DMD: variants seen among roughly 807,000 people sequenced by gnomAD.
DMD encodes mutant dystrophin.
In DMD, 63 loss-of-function variants were observed where a neutral mutation model predicts 330.1. The ratio of observed to expected loss-of-function variants is 0.19; its 90% CI spans 0.16 to 0.24. DMD has a LOEUF of 0.24. Among genes scored for constraint, DMD ranks in the 10% least tolerant of loss-of-function variants. The pLI is 1.00. For synonymous variants in DMD, 1,223 were observed against 959.8 expected, an observed-to-expected ratio of 1.27 and a Z score of -5.07; for missense variants, 3,344 against 2,684.1, an observed-to-expected ratio of 1.25 and a Z score of -5.43.
chrX:32,879,609 A>G lies in DMD; in HGVS notation c.94-29789T>C, dbSNP rs2083712599. On this transcript the variant is annotated intron_variant, in intron 2 of 78. Transcript: ENST00000357033. ...CTGTATTTTAATTTCCAATAAACAT[A>G]TATGTGTCACATATTTTTAAAAATA... Among the ~76,000 whole-genome samples, 5 of 112,410 alleles carry G rather than the reference A, an allele frequency of 4.4e-5. No homozygotes were observed. In the Admixed American group the frequency reaches 4.7e-4, roughly 11 times the overall value.
chrX:32,590,579 G>C (rs983334578), intron 13 of DMD, among the ~76,000 whole-genome samples: 1 of 111,666 alleles, frequency 9.0e-6, no homozygotes, highest in Non-Finnish European at 1.9e-5. Flanking sequence ...GGATAAAGTA[G>C]CTTGCTTGGT....
At chrX:32,170,932 C>G (rs1396382348) in intron 44 of DMD, among the ~76,000 whole-genome samples, 7 of 111,265 alleles carry the variant, frequency 6.3e-5, no homozygotes, top group Middle Eastern at 4.7e-3. Flanking sequence ...TGATATACTC[C>G]TTTCAAGCGC....
At chrX:32,733,199 A>G (rs2067958161) in intron 7 of DMD, among the ~76,000 whole-genome samples, 2 of 111,525 alleles carry the variant, frequency 1.8e-5, no homozygotes, top group African/African-American at 6.6e-5. Context: ...AATCAATTCA[A>G]CAGGAAGAGC....
At chrX:31,125,058 A>G (rs913771869) in intron 78 of DMD, among the ~76,000 whole-genome samples, 17 of 111,275 alleles carry the variant, frequency 1.5e-4, no homozygotes, top group African/African-American at 5.6e-4. Flanking sequence ...CACCTCAGGT[A>G]GTCAAGTCTG....
At chrX:32,529,101 A>G (rs1342218000) in intron 17 of DMD, among the ~76,000 whole-genome samples, 4 of 101,264 alleles carry the variant, frequency 4.0e-5, no homozygotes, top group Non-Finnish European at 8.0e-5. Context: ...TTTTTTCCCT[A>G]TTTTTCATAG....
intron 52 of DMD, among the ~76,000 whole-genome samples, chrX:31,715,080 A>T (rs780991244): frequency 1.2e-3 from 132 of 111,351 alleles, no homozygotes; most frequent in Non-Finnish European, 2.3e-3. Context: ...GCAAATTCTC[A>T]TTCCCATTTT....
chrX:32,639,063 C>A (rs2059280306), intron 11 of DMD, among the ~76,000 whole-genome samples: 1 of 111,780 alleles, frequency 8.9e-6, no homozygotes, highest in Non-Finnish European at 1.9e-5. Flanking sequence ...TTCACTTGGC[C>A]TCCTGACTTG....
chrX:32,667,765 G>GTC (rs2061393574), intron 9 of DMD, among the ~76,000 whole-genome samples: 3 of 65,028 alleles, frequency 4.6e-5, no homozygotes, highest in Non-Finnish European at 7.9e-5. Flanking sequence ...CTCTGCTTTT[G>GTC]TGTTTTTTTT....
rs1225831523 is a variant in DMD at position 31,314,779 on chromosome X, A to AGAGAGAGAGAGAGAGAGAGAGAGAGAGT, written c.9224+8818_9224+8819insACTCTCTCTCTCTCTCTCTCTCTCTCTC. ...GAGAGAGAGAGAGAGAGAGAGAGAG[A>AGAGAGAGAGAGAGAGAGAGAGAGAGAGT]GTGTTTTACCGTGTTAACATTTTTC... is the stretch of plus-strand genomic sequence containing the variant. On this transcript the variant is annotated intron_variant, in intron 62 of 78. Coordinates refer to ENST00000357033, the MANE Select transcript of DMD (RefSeq NM_004006.3). Among the ~76,000 whole-genome samples, 209 of 93,404 alleles carry AGAGAGAGAGAGAGAGAGAGAGAGAGAGT rather than the reference A, an allele frequency of 2.2e-3. 2 individuals are homozygous for AGAGAGAGAGAGAGAGAGAGAGAGAGAGT. The highest frequency in any genetic ancestry group is 8.7e-3 in the African/African-American group (201 of 23,227). The allele number at this position is 93,404 out of a possible 115,157, so 81.1% of individuals were successfully genotyped here. A position where few individuals can be genotyped will look rare whatever the true frequency, so the allele number is the denominator to read the frequency against.
At chrX:32,951,363 T>G (rs1323304462) in intron 2 of DMD, among the ~76,000 whole-genome samples, 1 of 111,761 alleles carries the variant, frequency 8.9e-6, no homozygotes, top group East Asian at 2.8e-4. Flanking sequence ...ACATATAATT[T>G]TAAGGGGAAA....
chrX:32,308,532 T>C (rs1270950935), intron 42 of DMD, among the ~76,000 whole-genome samples: 1 of 111,174 alleles, frequency 9.0e-6, no homozygotes, highest in Non-Finnish European at 1.9e-5. Flanking sequence ...TGGAGATTTG[T>C]TGGGAGACAG....
intron 55 of DMD, among the ~76,000 whole-genome samples, chrX:31,562,290 C>A (rs1285380350): frequency 8.9e-6 from 1 of 111,971 alleles, no homozygotes; most frequent in African/African-American, 3.2e-5. Flanking sequence ...TACATACAGC[C>A]TTTCATACTG....
chrX:33,203,666 A>AT (rs376599340), intron 1 of DMD, among the ~76,000 whole-genome samples: 2,793 of 102,210 alleles, frequency 0.027, 87 homozygotes, highest in African/African-American at 0.083. Flanking sequence ...GTCTTCTCTG[A>AT]TTTTTTTTTT....
chrX:31,648,982 T>C (rs1475734854), intron 54 of DMD, among the ~76,000 whole-genome samples: 1 of 111,386 alleles, frequency 9.0e-6, no homozygotes, highest in East Asian at 2.8e-4. Context: ...TTGAATGTTT[T>C]AAAGAAGTCT....
chrX:31,320,742 AT>A lies in DMD; in HGVS notation c.9224+2855del, dbSNP rs535043337. On this transcript the variant is annotated intron_variant, in intron 62 of 78. Transcript: ENST00000357033. Reference sequence around the variant, plus strand: ...TTATAAACATGTATGTTTTCCCTATATTACAGTTTAACATTTTACACTCATA... The same window carrying A: ...TTATAAACATGTATGTTTTCCCTATATACAGTTTAACATTTTACACTCATA... 2.7e-5 allele frequency among the ~76,000 whole-genome samples: 3 copies of A among 112,068 alleles called. No individual in the cohort carries two copies. In the South Asian group the frequency reaches 1.1e-3, roughly 41 times the overall value.
intron 41 of DMD, among the ~76,000 whole-genome samples, chrX:32,334,483 T>A (rs937454834): frequency 3.6e-5 from 4 of 111,511 alleles, no homozygotes; most frequent in Non-Finnish European, 7.5e-5. Flanking sequence ...TCAAAATGAG[T>A]TGCTTTTATT....
intron 64 of DMD, among the ~76,000 whole-genome samples, chrX:31,214,174 C>T (rs1321122198): frequency 1.8e-5 from 2 of 112,608 alleles, no homozygotes; most frequent in African/African-American, 6.5e-5. Flanking sequence ...AAATGGGCTA[C>T]ACCTGTGAGA....
At position 31,229,759 on chromosome X, in the gene DMD, CCCACATACT is replaced by C. The variant is rs778686234; in HGVS notation, c.9287-6647_9287-6639del. ...CAAGAAGCCAAAACAAGGCAGTCTC[CCCACATACT>C]CCTATTATAGAAAGGTGGCATATTT... On this transcript the variant is annotated intron_variant, in intron 63 of 78. Coordinates refer to ENST00000357033, the MANE Select transcript of DMD (RefSeq NM_004006.3). Among the ~76,000 whole-genome samples, 3 of 111,797 alleles carry C rather than the reference CCCACATACT, an allele frequency of 2.7e-5. No homozygotes were observed. In the East Asian group the frequency reaches 8.3e-4, roughly 31 times the overall value.
At chrX:31,770,065 A>G (rs773541289) in intron 51 of DMD, among the ~76,000 whole-genome samples, 148 of 112,166 alleles carry the variant, frequency 1.3e-3, no homozygotes, top group African/African-American at 4.7e-3. Context: ...TCACAAACAG[A>G]CTGGAATACT....
Sources: allele counts gnomAD v4.1 joint callset (sites outside exome capture counted in the v4.1 genomes callset), GRCh38; gene constraint gnomAD v4.1.1; transcripts MANE v1.5; gene names NCBI Gene and HGNC (gene_info 2026-07-23, HGNC 2026-07-21).